TRAK1: variants seen among roughly 807,000 people sequenced by gnomAD.
TRAK1 encodes the protein trafficking kinesin-binding protein 1.
TRAK1 carries 33 observed loss-of-function variants against 92.1 expected under a neutral mutation model. The ratio of observed to expected loss-of-function variants is 0.36; its 90% CI spans 0.27 to 0.48. TRAK1 has a LOEUF of 0.48. Ranked by LOEUF, TRAK1 falls within the 20% of genes least tolerant of loss-of-function variation. The pLI, the probability that TRAK1 is intolerant of heterozygous loss-of-function variation, is 0.99. For synonymous variants in TRAK1, 521 were observed against 517.3 expected (o/e 1.01, Z -0.10); for missense variants, 1,123 against 1,257.9 (o/e 0.89, Z 1.62).
chr3:42,043,614 CT>C (rs1289437991), intron 1 of TRAK1, among the ~76,000 whole-genome samples: 2 of 132,434 alleles, frequency 1.5e-5, no homozygotes, highest in African/African-American at 5.7e-5. Flanking sequence ...CTCCATGGAG[CT>C]GGGGGGGGGG....
intron 3 of TRAK1, among the ~76,000 whole-genome samples, chr3:42,179,341 T>C (rs1455374791): frequency 6.6e-6 from 1 of 152,218 alleles, no homozygotes; most frequent in Admixed American, 6.5e-5. Context: ...TCTGTTCTCT[T>C]GCTATGATTT....
chr3:42,036,579 C>A (rs1455683758), intron 1 of TRAK1, among the ~76,000 whole-genome samples: 1 of 152,204 alleles, frequency 6.6e-6, no homozygotes, highest in Non-Finnish European at 1.5e-5. Flanking sequence ...AAGCTGTAAT[C>A]ACCAGAGCAG....
intron 13 of TRAK1, among the ~76,000 whole-genome samples, chr3:42,209,519 T>A (rs902813360): frequency 1.3e-5 from 2 of 149,704 alleles, no homozygotes; most frequent in African/African-American, 2.4e-5. Flanking sequence ...GATTTTACTT[T>A]AAAAAAAAAA....
intron 1 of TRAK1, among the ~76,000 whole-genome samples, chr3:42,027,917 T>G (rs1036056899): frequency 1.3e-5 from 2 of 152,220 alleles, no homozygotes; most frequent in African/African-American, 4.8e-5. Context: ...TGGTGCGATC[T>G]TGGCTCACTG....
At chr3:42,160,043 A>T in intron 2 of TRAK1, 1 of 523,890 alleles carries the variant, frequency 1.9e-6, no homozygotes. Context: ...GAGATCCTGT[A>T]CCTTCCTGCA....
intron 2 of TRAK1, among the ~76,000 whole-genome samples, chr3:42,158,571 CTT>C (rs10522929): frequency 0.019 from 2,804 of 146,904 alleles, 74 homozygotes; most frequent in African/African-American, 0.068. Flanking sequence ...ATTTCTACAC[CTT>C]TTTTTTTTTT....
intron 1 of TRAK1, among the ~76,000 whole-genome samples, chr3:42,077,987 T>C (rs1909116): frequency 0.65 from 99,606 of 152,164 alleles, 33,001 homozygotes; most frequent in South Asian, 0.81. Flanking sequence ...TCTTCCGCAG[T>C]TTGACAAGTG....
At position 42,199,708 on chromosome 3, in the gene TRAK1, T is replaced by C. The variant is rs1272606221; in HGVS notation, c.1190+455T>C. Among the ~76,000 whole-genome samples, 6 of 152,222 alleles carry C rather than the reference T, an allele frequency of 3.9e-5. No homozygotes were observed. In the East Asian group the frequency reaches 1.2e-3, roughly 29 times the overall value. On this transcript the variant is annotated intron_variant, in intron 11 of 15. Coordinates refer to ENST00000327628, the MANE Select transcript of TRAK1 (RefSeq NM_001042646.3). ...CCTGGCTTCAAGTGATCGTCCTGCC[T>C]TGGCCTTCCCAAAGTGTTGGGATTA... is the stretch of plus-strand genomic sequence containing the variant.
At chr3:42,139,232 G>C (rs1450156476) in intron 2 of TRAK1, among the ~76,000 whole-genome samples, 1 of 152,150 alleles carries the variant, frequency 6.6e-6, no homozygotes, top group Non-Finnish European at 1.5e-5. Flanking sequence ...TTTGTTTACA[G>C]GCAAGGACCT....
In TRAK1 at chr3:42,193,774, G is replaced by T. The variant is rs1205079245; in HGVS notation, c.901-50G>T. On this transcript the variant is annotated intron_variant, in intron 8 of 15. Coordinates refer to ENST00000327628, the MANE Select transcript of TRAK1 (RefSeq NM_001042646.3). ...TTAGGTTAATAAGAGGGAAAAAGTT[G>T]GACTTTTACCAAGTATCTTAGGAAG... 1.9e-6 allele frequency: 3 copies of T among 1,588,978 alleles called. No homozygotes were observed. The African/African-American group carries it at 4.0e-5, about 21-fold the overall frequency.
At chr3:42,158,485 A>G (rs1025252668) in intron 2 of TRAK1, among the ~76,000 whole-genome samples, 2 of 152,132 alleles carry the variant, frequency 1.3e-5, no homozygotes, top group Non-Finnish European at 2.9e-5. Context: ...TTAATATTAA[A>G]TAAGTATTTT....
chr3:42,210,269 T>G (rs766684558), intron 14 of TRAK1: 89 of 1,521,768 alleles, frequency 5.8e-5, no homozygotes, highest in Non-Finnish European at 7.7e-5. Flanking sequence ...GATTAAAGCA[T>G]TCTCATTGCA....
At chr3:42,191,298 A>G (rs536433176) in intron 6 of TRAK1, among the ~76,000 whole-genome samples, 1 of 152,350 alleles carries the variant, frequency 6.6e-6, no homozygotes, top group African/African-American at 2.4e-5. Context: ...AGCAAGCTGT[A>G]GAGCACCTGT....
At chr3:42,071,527 G>A (rs1281295535) in intron 1 of TRAK1, among the ~76,000 whole-genome samples, 1 of 152,052 alleles carries the variant, frequency 6.6e-6, no homozygotes, top group Non-Finnish European at 1.5e-5. Flanking sequence ...GGCCAACATG[G>A]TGAAATCCCG....
chr3:42,153,290 G>T (rs962337588), intron 2 of TRAK1, among the ~76,000 whole-genome samples: 1 of 152,090 alleles, frequency 6.6e-6, no homozygotes, highest in African/African-American at 2.4e-5. Context: ...TATAGTCCCA[G>T]CTACTCGGAA....
intron 1 of TRAK1, among the ~76,000 whole-genome samples, chr3:42,114,998 C>G (rs1348987456): frequency 6.6e-6 from 1 of 152,210 alleles, no homozygotes; most frequent in African/African-American, 2.4e-5. Flanking sequence ...CAGGCGTGAG[C>G]CACTGTGCCC....
At chr3:42,195,060 C>G in intron 10 of TRAK1, 119 bp downstream of exon 10, 1 of 1,239,874 alleles carries the variant, frequency 8.1e-7, no homozygotes, top group South Asian at 1.6e-5. Context: ...TTGTACAGTT[C>G]AGATCTGAGT....
chr3:42,207,682 A>C (rs534323917), intron 13 of TRAK1, among the ~76,000 whole-genome samples: 1 of 152,286 alleles, frequency 6.6e-6, no homozygotes, highest in African/African-American at 2.4e-5. Context: ...AATCACAGTG[A>C]TGCTGTGGCA....
intron 2 of TRAK1, among the ~76,000 whole-genome samples, chr3:42,173,611 G>A (rs926331504): frequency 2.6e-5 from 4 of 152,142 alleles, no homozygotes; most frequent in African/African-American, 9.7e-5. Context: ...CCTACACATC[G>A]ATGGTTTGTG....
Sources: gnomAD v4.1 joint callset for allele counts (sites outside exome capture counted in the v4.1 genomes callset) on GRCh38, gnomAD v4.1.1 for gene constraint, MANE v1.5 for transcripts, NCBI Gene and HGNC (gene_info 2026-07-23, HGNC 2026-07-21) for gene names.